Variants in ASTN2 observed in about 807,000 individuals in gnomAD.
ASTN2 encodes the protein astrotactin 2, also known as astrotactin-2.
Under a neutral mutation model 139.8 loss-of-function variants are expected in ASTN2, and 54 were observed. That is an observed-to-expected ratio of 0.39 (90% CI 0.31 to 0.48). ASTN2 has a LOEUF of 0.48. Among genes scored for constraint, ASTN2 ranks in the 20% least tolerant of loss-of-function variants. The pLI is 0.95. For missense variants in ASTN2, 1,565 were observed against 1,725.1 expected (o/e 0.91, Z 1.64); for synonymous variants, 756 against 719.5 (o/e 1.05, Z -0.81).
chr9:117,079,379 AGACCGACC>A (rs2132722443), intron 5 of ASTN2, among the ~76,000 whole-genome samples: 1 of 152,230 alleles, frequency 6.6e-6, no homozygotes, highest in Non-Finnish European at 1.5e-5. Flanking sequence ...AGAGACAGGC[AGACCGACC>A]GACCAACCAG....
At chr9:117,277,627 G>C (rs189785277) in intron 2 of ASTN2, among the ~76,000 whole-genome samples, 57 of 152,256 alleles carry the variant, frequency 3.7e-4, no homozygotes, top group Admixed American at 3.3e-3. Context: ...AATACCAACA[G>C]TAAACAGGAG....
chr9:116,801,952 G>T (rs1170742582), intron 13 of ASTN2, among the ~76,000 whole-genome samples: 1 of 152,108 alleles, frequency 6.6e-6, no homozygotes, highest in Non-Finnish European at 1.5e-5. Flanking sequence ...GCAATCCAGG[G>T]TTGAGAAGTT....
At chr9:116,941,140 G>T (rs148424443) in intron 10 of ASTN2, among the ~76,000 whole-genome samples, 4 of 151,138 alleles carry the variant, frequency 2.6e-5, no homozygotes, top group African/African-American at 9.8e-5. Context: ...AATCCCTTTC[G>T]CTGAGTGACA....
chr9:117,402,535 T>C lies in ASTN2; in HGVS notation c.442+11962A>G, dbSNP rs150954081. 2.6e-5 allele frequency among the ~76,000 whole-genome samples: 4 copies of C among 152,180 alleles called. No homozygotes were observed. The East Asian group carries it at 7.7e-4, about 29-fold the overall frequency. ...GTTTAGGGGGCAAATCACACATCAA[T>C]AGTGTGATCCCAGACAAGAAGGAGA... is the stretch of plus-strand genomic sequence containing the variant. On this transcript the variant is annotated intron_variant, in intron 1 of 22. Coordinates refer to ENST00000313400, the MANE Select transcript of ASTN2 (RefSeq NM_001365068.1).
chr9:117,290,941 T>G (rs1405621438), intron 2 of ASTN2, among the ~76,000 whole-genome samples: 1 of 152,240 alleles, frequency 6.6e-6, no homozygotes, highest in South Asian at 2.1e-4. Context: ...GTTCTGGTTT[T>G]ATTCCAATTT....
Position 116,618,443 on chromosome 9 carries a change from G to C in ASTN2, c.3236C>G (p.Ser1079Cys). 6.2e-7 allele frequency: 1 copy of C among 1,613,984 alleles called. No individual in the cohort carries two copies. The highest frequency in any genetic ancestry group is 8.5e-7 in the Non-Finnish European group (1 of 1,179,962). Residue 1079 changes from serine (S) to cysteine (C), a missense_variant, in exon 19 of 23, where the codon TCC becomes TGC. By Grantham distance (112) the Ser-to-Cys change is moderately radical. Coordinates refer to ENST00000313400, the MANE Select transcript of ASTN2 (RefSeq NM_001365068.1). The part of the protein sequence containing the change: ...VLRLSPTVEP[S>C]STVVSLEWVD... ...CCACTCCAAGGAGACCACAGTACTG[G>C]AGGGCTCCACTGTTGGGGACAGCCG...
chr9:116,834,158 A>C (rs997646881), intron 11 of ASTN2, among the ~76,000 whole-genome samples: 1 of 152,146 alleles, frequency 6.6e-6, no homozygotes, highest in Non-Finnish European at 1.5e-5. Flanking sequence ...CAGAGAACAC[A>C]CTCCATACAA....
intron 19 of ASTN2, among the ~76,000 whole-genome samples, chr9:116,538,598 T>A (rs1851745947): frequency 6.6e-6 from 1 of 152,206 alleles, no homozygotes; most frequent in South Asian, 2.1e-4. Flanking sequence ...CTCTTGCCTG[T>A]TGGATCTCAG....
chr9:117,050,014 G>A (rs1186783519), intron 5 of ASTN2, among the ~76,000 whole-genome samples: 2 of 152,098 alleles, frequency 1.3e-5, no homozygotes, highest in Non-Finnish European at 2.9e-5. Flanking sequence ...TGATTCATAG[G>A]TGACTATCAA....
At chr9:117,413,668 T>G (rs989777063) in intron 1 of ASTN2, among the ~76,000 whole-genome samples, 1 of 152,210 alleles carries the variant, frequency 6.6e-6, no homozygotes, top group East Asian at 1.9e-4. Context: ...CGAACTTTTC[T>G]GATTAACTTT....
chr9:116,902,541 G>A (rs968300557), intron 10 of ASTN2, among the ~76,000 whole-genome samples: 1 of 151,944 alleles, frequency 6.6e-6, no homozygotes, highest in Non-Finnish European at 1.5e-5. Context: ...GCAATTTGCT[G>A]TATAGGTTTA....
chr9:116,642,146 C>CA (rs59895161), intron 17 of ASTN2, among the ~76,000 whole-genome samples: 6 of 120,354 alleles, frequency 5.0e-5, no homozygotes, highest in African/African-American at 1.3e-4. Flanking sequence ...AAAAAAAAAA[C>CA]AAAAAAAAAC....
intron 1 of ASTN2, among the ~76,000 whole-genome samples, chr9:117,405,328 A>G (rs1830952219): frequency 6.6e-6 from 1 of 152,154 alleles, no homozygotes; most frequent in Admixed American, 6.5e-5. Flanking sequence ...TAGCTGTGTG[A>G]TCTTGGGTAG....
At chr9:117,060,461 G>A (rs10983480) in intron 5 of ASTN2, among the ~76,000 whole-genome samples, 40,818 of 61,078 alleles carry the variant, frequency 0.67, 12,398 homozygotes, top group South Asian at 0.7. Context: ...AGAAAGAAAG[G>A]AAGGAAGGAA....
Position 116,802,715 on chromosome 9 carries a change from G to C in ASTN2, c.2396+2917C>G, listed in dbSNP as rs1402531610. Among the ~76,000 whole-genome samples the C allele has an allele frequency of 3.3e-5, 5 of 152,298 alleles. No homozygotes were observed. The East Asian group carries it at 7.7e-4, about 24-fold the overall frequency. ...TACAATGTACCTATGGAAATGGCTGGCTTCTGTTAAAAGCACCCCATTTTA... is the reference window on the plus strand; with the variant it reads ...TACAATGTACCTATGGAAATGGCTGCCTTCTGTTAAAAGCACCCCATTTTA... On this transcript the variant is annotated intron_variant, in intron 13 of 22. Transcript: ENST00000313400.
intron 19 of ASTN2, among the ~76,000 whole-genome samples, chr9:116,510,916 G>C (rs1333796740): frequency 1.3e-5 from 2 of 152,116 alleles, no homozygotes; most frequent in African/African-American, 4.8e-5. Flanking sequence ...AGACAATGGG[G>C]TTTTCTAGAT....
chr9:117,300,331 T>A (rs1834844642), intron 1 of ASTN2, among the ~76,000 whole-genome samples: 3 of 152,230 alleles, frequency 2.0e-5, no homozygotes, highest in Admixed American at 1.3e-4. Flanking sequence ...TAATCATTAA[T>A]TCATAGTAGA....
chr9:117,214,544 T>C lies in ASTN2; in HGVS notation c.829A>G (p.Asn277Asp), dbSNP rs143176716. Reference sequence around the variant, plus strand: ...CGGATGGGCACGCCAATGACGGAATTGTGGGTTTGCAGCCGGGATGAACGG... The same window carrying C: ...CGGATGGGCACGCCAATGACGGAATCGTGGGTTTGCAGCCGGGATGAACGG... ...SFRSSRLQTH[N>D]SVIGVPIRET... The change falls in exon 3 of 23, where the codon AAT (asparagine) becomes GAT (aspartate). Residue 277 changes from asparagine to aspartate, a missense_variant. This residue lies in a region of ASTN2 where 596 missense variants were observed against 576.8 expected (regional missense o/e 1.03). Transcript: ENST00000313400. 1.9e-5 allele frequency: 31 copies of C among 1,613,244 alleles called. No individual in the cohort carries two copies. The highest frequency in any genetic ancestry group is 2.7e-5 in the African/African-American group (2 of 74,918).
At chr9:116,502,270 AAC>A (rs1849889264) in intron 19 of ASTN2, among the ~76,000 whole-genome samples, 1 of 151,886 alleles carries the variant, frequency 6.6e-6, no homozygotes, top group African/African-American at 2.4e-5. Flanking sequence ...ACAAAAAACA[AAC>A]ACAGAGAGGA....
Sources: gnomAD v4.1 joint callset for allele counts (sites outside exome capture counted in the v4.1 genomes callset) on GRCh38, gnomAD v4.1.1 for gene constraint, gnomAD v4.1.1 regional missense constraint, MANE v1.5 for transcripts, NCBI Gene and HGNC (gene_info 2026-07-23, HGNC 2026-07-21) for gene names.